APLF: variants seen among roughly 807,000 people sequenced by gnomAD.
The protein encoded by APLF is aprataxin and PNK-like factor.
In APLF, 61 loss-of-function variants were observed where a neutral mutation model predicts 55.6. The ratio of observed to expected loss-of-function variants is 1.10; its 90% CI spans 0.89 to 1.36. The LOEUF is 1.36. Ranked by LOEUF, APLF falls within the 40% of genes most tolerant of loss-of-function variation. APLF has a pLI of 0.00. For synonymous variants in APLF, 207 were observed against 214.8 expected (o/e 0.96, Z 0.32); for missense variants, 611 against 602.5 (o/e 1.01, Z -0.15).
rs550618591 is a variant in APLF at position 68,579,314 on chromosome 2, G to T, written c.*1292G>T. 1.1e-6 allele frequency: 1 copy of T among 900,140 alleles called. No individual in the cohort carries two copies. The highest frequency in any genetic ancestry group is 6.2e-5 in the Admixed American group (1 of 16,076). 55.8% of individuals were successfully genotyped at this position (900,140 alleles called of 1,614,324 possible). A position where few individuals can be genotyped will look rare whatever the true frequency, so the allele number is the denominator to read the frequency against. On this transcript the variant is annotated 3_prime_UTR_variant, in exon 10 of 10. Transcript: ENST00000303795. ...ATTTTTATCTCTTATTGTTATTTGG[G>T]AACTATTTTTCCCCTTATAATGTCC... is the stretch of plus-strand genomic sequence containing the variant.
At chr2:68,517,407 A>ATC (rs1211838919) in intron 5 of APLF, among the ~76,000 whole-genome samples, 1 of 123,782 alleles carries the variant, frequency 8.1e-6, no homozygotes. Context: ...ATATTAATAT[A>ATC]TCTATATATT....
At chr2:68,527,170 CAG>C (rs1670085955) in intron 6 of APLF, among the ~76,000 whole-genome samples, 1 of 147,906 alleles carries the variant, frequency 6.8e-6, no homozygotes, top group Admixed American at 6.7e-5. Context: ...ACTTTCCAGA[CAG>C]GGCAGTGGCT....
chr2:68,539,837 C>G (rs1223993615), intron 7 of APLF, among the ~76,000 whole-genome samples: 1 of 152,030 alleles, frequency 6.6e-6, no homozygotes, highest in Non-Finnish European at 1.5e-5. Flanking sequence ...ATGTTGGGAA[C>G]TAACCAGTAT....
rs544367215 is a variant in APLF at position 68,528,445 on chromosome 2, C to T, written c.804+2203C>T. 7.2e-6 allele frequency: 11 copies of T among 1,534,246 alleles called. No homozygotes were observed. In the East Asian group the frequency reaches 2.4e-4, roughly 34 times the overall value. ...TCTCATCTCTCTCCCACCTCAGTTG[C>T]AGGGGAGGGGTTGGTTGCAGCTGCA... On this transcript the variant is annotated intron_variant, in intron 6 of 9. Coordinates refer to ENST00000303795, the MANE Select transcript of APLF (RefSeq NM_173545.3).
At chr2:68,482,394 A>G (rs1471045686) in intron 1 of APLF, among the ~76,000 whole-genome samples, 1 of 152,112 alleles carries the variant, frequency 6.6e-6, no homozygotes, top group African/African-American at 2.4e-5. Flanking sequence ...TCAGTGGCCT[A>G]GGCTGTGGAA....
At chr2:68,488,129 C>T (rs1676241062) in intron 1 of APLF, among the ~76,000 whole-genome samples, 1 of 151,950 alleles carries the variant, frequency 6.6e-6, no homozygotes, top group African/African-American at 2.4e-5. Flanking sequence ...AAGGAACCAG[C>T]TTTATATGCC....
intron 7 of APLF, among the ~76,000 whole-genome samples, chr2:68,544,268 C>A (rs1670638361): frequency 6.6e-6 from 1 of 152,128 alleles, no homozygotes; most frequent in East Asian, 1.9e-4. Context: ...TGTGAGCCAC[C>A]ACAGCCGACC....
At chr2:68,518,883 TTAA>T (rs1558540046) in intron 5 of APLF, among the ~76,000 whole-genome samples, 1 of 124,858 alleles carries the variant, frequency 8.0e-6, no homozygotes, top group Non-Finnish European at 1.6e-5. Context: ...TAATAAAATA[TTAA>T]TATTATATCA....
intron 7 of APLF, among the ~76,000 whole-genome samples, chr2:68,541,888 T>C (rs904168221): frequency 2.0e-5 from 3 of 152,176 alleles, no homozygotes; most frequent in Non-Finnish European, 4.4e-5. Context: ...GATTTTAAAA[T>C]GTATTACAAA....
At chr2:68,519,015 A>G (rs1277794685) in intron 5 of APLF, among the ~76,000 whole-genome samples, 3 of 124,092 alleles carry the variant, frequency 2.4e-5, no homozygotes, top group Non-Finnish European at 4.7e-5. Context: ...TTAATATATA[A>G]TAATATATAA....
intron 6 of APLF, among the ~76,000 whole-genome samples, chr2:68,530,211 C>T (rs1007750777): frequency 7.9e-5 from 12 of 152,260 alleles, no homozygotes; most frequent in African/African-American, 2.2e-4. Flanking sequence ...GCCTGTGTGC[C>T]TCATGATCAT....
chr2:68,493,325 T>C (rs1315546243), intron 2 of APLF, among the ~76,000 whole-genome samples: 1 of 151,794 alleles, frequency 6.6e-6, no homozygotes, highest in African/African-American at 2.4e-5. Flanking sequence ...GTTATCTGTT[T>C]GGAAAAAAAA....
At chr2:68,520,240 G>A (rs936450047) in intron 5 of APLF, among the ~76,000 whole-genome samples, 8 of 151,794 alleles carry the variant, frequency 5.3e-5, no homozygotes, top group South Asian at 2.1e-4. Flanking sequence ...CATAGTTTGC[G>A]AAGATTTTCT....
rs185570532 is a variant in APLF, at chr2:68,561,829, T to C, written c.1287-5512T>C. On this transcript the variant is annotated intron_variant, in intron 8 of 9. Transcript: ENST00000303795. Reference sequence around the variant, plus strand: ...TCAAAGGGTAGATTTCTGAAAATCATTGGAATCTATAGATTAGGGTTTACT... The same window carrying C: ...TCAAAGGGTAGATTTCTGAAAATCACTGGAATCTATAGATTAGGGTTTACT... Among the ~76,000 whole-genome samples, 253 of 152,174 alleles carry C rather than the reference T, an allele frequency of 1.7e-3. 1 individual carries two copies. The highest frequency in any genetic ancestry group is 5.6e-3 in the African/African-American group (232 of 41,566).
intron 9 of APLF, among the ~76,000 whole-genome samples, chr2:68,572,598 G>T (rs973429757): frequency 2.6e-5 from 4 of 152,222 alleles, no homozygotes; most frequent in African/African-American, 9.6e-5. Context: ...CACTCTGGGA[G>T]GCCAAGGCAG....
At chr2:68,510,000 T>C (rs1207355683) in intron 3 of APLF, among the ~76,000 whole-genome samples, 1 of 141,232 alleles carries the variant, frequency 7.1e-6, no homozygotes, top group Non-Finnish European at 1.5e-5. Flanking sequence ...TTCTCACTCA[T>C]AGGTGGGAAT....
chr2:68,545,048 G>A (rs1670662142), intron 7 of APLF, 139 bp from the exon 8 acceptor site: 1 of 965,180 alleles, frequency 1.0e-6, no homozygotes, highest in South Asian at 1.7e-5. Context: ...GATGTAATCT[G>A]CGCTTATGTC....
At chr2:68,499,381 T>C (rs1676651674) in intron 2 of APLF, among the ~76,000 whole-genome samples, 1 of 152,208 alleles carries the variant, frequency 6.6e-6, no homozygotes, top group Non-Finnish European at 1.5e-5. Context: ...ATTGAAGCAG[T>C]TGGGAGTCCT....
chr2:68,483,177 A>G (rs1008847056), intron 1 of APLF, among the ~76,000 whole-genome samples: 2 of 152,114 alleles, frequency 1.3e-5, no homozygotes, highest in African/African-American at 4.8e-5. Flanking sequence ...AGCTTAGGTC[A>G]TGCAAGGGTG....
Sources: gnomAD v4.1 joint callset for allele counts (sites outside exome capture counted in the v4.1 genomes callset) on GRCh38, gnomAD v4.1.1 for gene constraint, MANE v1.5 for transcripts, NCBI Gene and HGNC (gene_info 2026-07-23, HGNC 2026-07-21) for gene names.